TENM1: variants seen among roughly 807,000 people sequenced by gnomAD.
TENM1 encodes the protein teneurin transmembrane protein 1, also known as teneurin-1.
Under a neutral mutation model 174.8 loss-of-function variants are expected in TENM1, and 35 were observed. The ratio of observed to expected loss-of-function variants is 0.20; its 90% CI spans 0.15 to 0.27. The LOEUF (loss-of-function observed/expected upper bound fraction) is 0.27, where lower values mean the gene tolerates loss of function less well. Ranked by LOEUF, TENM1 falls within the 10% of genes least tolerant of loss-of-function variation. The pLI, the probability that TENM1 is intolerant of heterozygous loss-of-function variation, is 1.00. For missense variants in TENM1, 1,633 were observed against 2,130.1 expected (o/e 0.77, Z 4.59); for synonymous variants, 781 against 798.7 (o/e 0.98, Z 0.37).
rs1245308655 is a variant in TENM1, at chrX:124,436,497, CT to C, written c.4105-13860del. ...ACCAGAAGCAACCAGCTGGCATCTT[CT>C]TTTTTTTTTTTTTGAGACTGAGTCT... On this transcript the variant is annotated intron_variant, in intron 23 of 31. Transcript: ENST00000422452. Among the ~76,000 whole-genome samples the C allele has an allele frequency of 1.7e-3, 169 of 100,800 alleles. 1 individual carries two copies. Among genetic ancestry groups the C allele is most frequent in the Middle Eastern group, 4.9e-3 (1 of 205 alleles). The allele number at this position is 100,800 out of a possible 115,157, so 87.5% of individuals were successfully genotyped here.
the TENM1 span, among the ~76,000 whole-genome samples, chrX:125,159,121 A>G: frequency 8.9e-6 from 1 of 111,780 alleles, no homozygotes; most frequent in Non-Finnish European, 1.9e-5. Context: ...TGGGTACTAT[A>G]GCCCACAAAT....
chrX:124,665,348 AAAG>A (rs1352190396), intron 6 of TENM1, among the ~76,000 whole-genome samples: 89 of 112,328 alleles, frequency 7.9e-4, no homozygotes, highest in African/African-American at 2.6e-3. Context: ...CTCAAAAAAA[AAAG>A]AAAAGGTAAC....
the TENM1 span, among the ~76,000 whole-genome samples, chrX:125,061,364 TAGG>T: frequency 9.0e-6 from 1 of 111,598 alleles, no homozygotes; most frequent in African/African-American, 3.3e-5. Context: ...ATACCTCCTC[TAGG>T]AGAACATATC....
chrX:124,919,500 AAC>A (rs2057986838), intron 1 of TENM1, among the ~76,000 whole-genome samples: 1 of 111,698 alleles, frequency 9.0e-6, no homozygotes, highest in Non-Finnish European at 1.9e-5. Flanking sequence ...GAAACTGAAA[AAC>A]ATATTTTTAG....
At chrX:124,937,230 T>C (rs1409806308) in intron 1 of TENM1, among the ~76,000 whole-genome samples, 1 of 111,813 alleles carries the variant, frequency 8.9e-6, no homozygotes, top group Non-Finnish European at 1.9e-5. Context: ...TACACTGTTA[T>C]CATAAATGAA....
At chrX:125,119,152 C>A in the TENM1 span, among the ~76,000 whole-genome samples, 1 of 111,720 alleles carries the variant, frequency 9.0e-6, no homozygotes, top group East Asian at 2.8e-4. Context: ...TTGAAATTTT[C>A]AATTTTAATA....
chrX:125,168,830 T>C, the TENM1 span, among the ~76,000 whole-genome samples: 1 of 111,378 alleles, frequency 9.0e-6, no homozygotes, highest in African/African-American at 3.3e-5. Context: ...AACCGACATC[T>C]TGACTGCAGC....
At chrX:124,510,528 T>C (rs750984445) in intron 18 of TENM1, among the ~76,000 whole-genome samples, 69 of 111,622 alleles carry the variant, frequency 6.2e-4, no homozygotes, top group Middle Eastern at 4.6e-3. Context: ...GAATGATAAA[T>C]TATGTGGTCA....
intron 23 of TENM1, among the ~76,000 whole-genome samples, chrX:124,443,044 ATGTGTGTGTGTGTGTGTGTGTG>A (rs59365041): frequency 2.6e-3 from 135 of 51,954 alleles, no homozygotes; most frequent in South Asian, 9.5e-3. Flanking sequence ...CTGGATGACT[ATGTGTGTGTGTGTGTGTGTGTG>A]TGTGTGTGTG....
chrX:124,705,109 A>G, exon 5 of TENM1: 1 of 1,211,351 alleles, frequency 8.3e-7, no homozygotes, highest in Non-Finnish European at 1.1e-6. Flanking sequence ...GGTTTGTTAA[A>G]GGTAAAGGCA....
chrX:125,168,288 C>T, the TENM1 span, among the ~76,000 whole-genome samples: 1 of 111,880 alleles, frequency 8.9e-6, no homozygotes, highest in Non-Finnish European at 1.9e-5. Context: ...GCATAGTAAA[C>T]TTGCTGGATA....
rs2060445809 is a variant in TENM1, at chrX:124,404,969, A to C, written c.5391+62T>G. 6.7e-6 allele frequency: 7 copies of C among 1,037,776 alleles called. No homozygotes were observed. The South Asian group carries it at 1.2e-4, about 17-fold the overall frequency. 85.5% of individuals were successfully genotyped at this position (1,037,776 alleles called of 1,213,427 possible). On this transcript the variant is annotated intron_variant, in intron 27 of 31. Transcript: ENST00000422452. ...TCTGCAGTTAAACAAACAAACAAACAAACAAACAAACAAACAAAACACCTA... is the reference window on the plus strand; with the variant it reads ...TCTGCAGTTAAACAAACAAACAAACCAACAAACAAACAAACAAAACACCTA...
intron 3 of TENM1, among the ~76,000 whole-genome samples, chrX:124,893,706 A>G (rs1422215972): frequency 1.8e-5 from 2 of 111,926 alleles, no homozygotes; most frequent in Non-Finnish European, 3.8e-5. Flanking sequence ...GAACACAATG[A>G]AGGCAAAAGT....
At chrX:124,487,180 T>C in intron 21 of TENM1, 29 bp downstream of exon 24, 1 of 1,159,885 alleles carries the variant, frequency 8.6e-7, no homozygotes, top group African/African-American at 1.8e-5. Context: ...AGAGGGGGCA[T>C]TAGGTAGCTG....
intron 3 of TENM1, among the ~76,000 whole-genome samples, chrX:124,831,973 G>A (rs2056298883): frequency 9.0e-6 from 1 of 111,382 alleles, no homozygotes; most frequent in Non-Finnish European, 1.9e-5. Context: ...GGCTGCTCTA[G>A]GGCTTTGCCG....
At chrX:124,664,051 T>C (rs909761172) in intron 6 of TENM1, among the ~76,000 whole-genome samples, 2 of 111,708 alleles carry the variant, frequency 1.8e-5, no homozygotes, top group Non-Finnish European at 3.8e-5. Flanking sequence ...TATAGCATTA[T>C]AGGAAACATT....
At chrX:124,889,325 T>G (rs2147549709) in intron 3 of TENM1, among the ~76,000 whole-genome samples, 1 of 111,434 alleles carries the variant, frequency 9.0e-6, no homozygotes, top group Admixed American at 9.6e-5. Flanking sequence ...TTCTGTCTCC[T>G]TGGAATTTAG....
chrX:124,770,344 GAATA>G (rs2054624682), intron 3 of TENM1, among the ~76,000 whole-genome samples: 1 of 111,029 alleles, frequency 9.0e-6, no homozygotes, highest in Non-Finnish European at 1.9e-5. Context: ...CAGAATATCA[GAATA>G]TATATTATAA....
intron 3 of TENM1, among the ~76,000 whole-genome samples, chrX:124,781,214 G>C (rs948702854): frequency 3.6e-5 from 4 of 111,490 alleles, no homozygotes; most frequent in Non-Finnish European, 7.5e-5. Flanking sequence ...TGAACCAGCA[G>C]TACAGTTATC....
Sources: allele counts gnomAD v4.1 joint callset (sites outside exome capture counted in the v4.1 genomes callset), GRCh38; gene constraint gnomAD v4.1.1; transcripts MANE v1.5; gene names NCBI Gene and HGNC (gene_info 2026-07-23, HGNC 2026-07-21).